Variants in SLC43A1 observed in about 807,000 individuals in gnomAD.
SLC43A1 encodes large neutral amino acids transporter small subunit 3.
Under a neutral mutation model 59.5 loss-of-function variants are expected in SLC43A1, and 31 were observed. That is an observed-to-expected ratio of 0.52 (90% CI 0.39 to 0.70). The LOEUF (loss-of-function observed/expected upper bound fraction) is 0.70. SLC43A1 is among the 30% of genes least tolerant of loss of function. The pLI is 0.00. For synonymous variants in SLC43A1, 259 were observed against 290.9 expected (o/e 0.89, Z 1.12); for missense variants, 598 against 717.8 (o/e 0.83, Z 1.91).
intron 13 of SLC43A1, 101 bp downstream of exon 13, chr11:57,488,815 G>C (rs983307724): frequency 1.1e-6 from 1 of 951,776 alleles, no homozygotes; most frequent in South Asian, 1.3e-5. Context: ...GTCTCAGAGA[G>C]AGGTGCATTA....
Position 57,497,852 on chromosome 11 carries a change from A to G in SLC43A1, c.466-7T>C. ...TCCCAAACATGTTGGGCAGCTGAGG[A>G]GGGAAAGCAGCACCCATGAGGTGGG... On this transcript the variant is annotated splice_polypyrimidine_tract_variant and splice_region_variant and intron_variant, in intron 5 of 14. Coordinates refer to ENST00000278426, the MANE Select transcript of SLC43A1 (RefSeq NM_003627.6). The G allele has an allele frequency of 6.2e-7, 1 of 1,611,024 alleles. No homozygotes were observed. Among genetic ancestry groups the G allele is most frequent in the Non-Finnish European group, 8.5e-7 (1 of 1,178,356 alleles).
At chr11:57,485,974 T>C (rs1943716329) in intron 14 of SLC43A1, among the ~76,000 whole-genome samples, 1 of 152,224 alleles carries the variant, frequency 6.6e-6, no homozygotes, top group South Asian at 2.1e-4. Flanking sequence ...ATGAGTTCAA[T>C]GTAAGGAAAA....
At chr11:57,495,565 G>C (rs1199150180) in intron 7 of SLC43A1, among the ~76,000 whole-genome samples, 1 of 152,030 alleles carries the variant, frequency 6.6e-6, no homozygotes, top group African/African-American at 2.4e-5. Context: ...AGTGGCTCAC[G>C]CCTGTAATCG....
At chr11:57,488,682 CAT>C (rs1164111842) in intron 13 of SLC43A1, among the ~76,000 whole-genome samples, 1 of 152,192 alleles carries the variant, frequency 6.6e-6, no homozygotes, top group Non-Finnish European at 1.5e-5. Flanking sequence ...AAACAGCAGA[CAT>C]AGAACCAAAG....
At position 57,485,203 on chromosome 11, in the gene SLC43A1, G is replaced by A. The variant is rs1268406213; in HGVS notation, c.1573C>T (p.Leu525=). ...GLLLFSLLGF[L]LPSYLFYYRA... is the part of the protein sequence containing the mutation. ...TAATAGAAGAGGTAGGAAGGCAACAGGAATCCCAGGAGTGAGAATAGCAGG... is the reference window on the plus strand; with the variant it reads ...TAATAGAAGAGGTAGGAAGGCAACAAGAATCCCAGGAGTGAGAATAGCAGG... Residue 525 remains leucine, a synonymous_variant, in exon 15 of 15, where the codon CTG becomes TTG. Transcript: ENST00000278426. The A allele has an allele frequency of 2.5e-6, 4 of 1,613,908 alleles. No individual in the cohort carries two copies. Among genetic ancestry groups the A allele is most frequent in the Admixed American group, 1.7e-5 (1 of 59,964 alleles).
intron 2 of SLC43A1, among the ~76,000 whole-genome samples, chr11:57,505,883 G>A (rs977236736): frequency 3.9e-5 from 6 of 152,160 alleles, no homozygotes; most frequent in African/African-American, 1.4e-4. Context: ...CTGGGAAATG[G>A]GGACTGTGGT....
At chr11:57,503,472 T>C (rs1317025750) in intron 2 of SLC43A1, among the ~76,000 whole-genome samples, 6 of 151,938 alleles carry the variant, frequency 3.9e-5, no homozygotes, top group Admixed American at 6.6e-5. Flanking sequence ...TACAGGTGCA[T>C]GCCACCACAC....
In SLC43A1 at chr11:57,494,069, G is replaced by A. The variant is rs761237997; in HGVS notation, c.795C>T (p.Ala265=). ...CATCCGAACCGTCCTCCAGGCTGGG[G>A]GCCTTCTGGCTGAGCCTCTGGCCCA... ...TTMGQRLSQK[A]PSLEDGSDAF... The change falls in exon 8 of 15, where the codon GCC becomes GCT. Residue 265 remains alanine (A), a synonymous_variant. Transcript: ENST00000278426. 1 of 1,611,480 alleles carries A rather than the reference G, an allele frequency of 6.2e-7. No individual in the cohort carries two copies. Among genetic ancestry groups the A allele is most frequent in the Non-Finnish European group, 8.5e-7 (1 of 1,178,866 alleles).
intron 11 of SLC43A1, 105 bp downstream of exon 11, chr11:57,491,119 A>C: frequency 7.3e-7 from 1 of 1,363,828 alleles, no homozygotes; most frequent in East Asian, 2.6e-5. Context: ...CTGATCTCCT[A>C]GGGTTCTTGG....
intron 2 of SLC43A1, among the ~76,000 whole-genome samples, chr11:57,510,885 G>A (rs1944522994): frequency 6.6e-6 from 1 of 151,990 alleles, no homozygotes; most frequent in Non-Finnish European, 1.5e-5. Context: ...GGGAGGCTAA[G>A]GCAGGAGAAT....
chr11:57,491,881 G>C lies in SLC43A1; in HGVS notation c.872-19C>G, dbSNP rs949240858. Reference sequence around the variant, plus strand: ...ACAGACCCTGGGGAGACAGCAGGGGGCGCCCCTGAGCCCCAGACCTTCCAC... The same window carrying C: ...ACAGACCCTGGGGAGACAGCAGGGGCCGCCCCTGAGCCCCAGACCTTCCAC... On this transcript the variant is annotated intron_variant, in intron 8 of 14. Coordinates refer to ENST00000278426, the MANE Select transcript of SLC43A1 (RefSeq NM_003627.6). The C allele has an allele frequency of 1.9e-6, 3 of 1,611,934 alleles. No homozygotes were observed. In the African/African-American group the frequency reaches 4.0e-5, roughly 22 times the overall value.
rs1050183732 is a variant in SLC43A1 at position 57,500,669 on chromosome 11, T to C, written c.465+110A>G. The C allele has an allele frequency of 4.4e-5, 39 of 893,408 alleles. No homozygotes were observed. The Admixed American group carries it at 7.4e-4, about 17-fold the overall frequency. The allele number at this position is 893,408 out of a possible 1,614,324, so 55.3% of individuals were successfully genotyped here. On this transcript the variant is annotated intron_variant, in intron 5 of 14. Transcript: ENST00000278426. ...CACACACTCACTTGATCTAGTGATC[T>C]GCGTCCACAGGCCCCTCCCCCAGCC...
In SLC43A1 at chr11:57,496,098, T is replaced by C. The variant is rs1267021003; in HGVS notation, c.625A>G (p.Ile209Val). The C allele has an allele frequency of 2.5e-6, 4 of 1,614,082 alleles. No individual in the cohort carries two copies. In the South Asian group the frequency reaches 4.4e-5, roughly 18 times the overall value. ...CAGTTGAGGGTGCAGTTCAGAAAGA[T>C]AAGGCAGGCCAGGCCAGACCAGGTG... is the stretch of plus-strand genomic sequence containing the variant. Reference protein sequence around the residue: ...MFTWSGLACLIFLNCTLNWPI... With the variant: ...MFTWSGLACLVFLNCTLNWPI... Residue 209 changes from isoleucine to valine, a missense_variant, in exon 7 of 15, where the codon ATC becomes GTC. Coordinates refer to ENST00000278426, the MANE Select transcript of SLC43A1 (RefSeq NM_003627.6).
chr11:57,500,711 A>ACCC, intron 5 of SLC43A1, 68 bp downstream of exon 5: 1 of 1,399,110 alleles, frequency 7.1e-7, no homozygotes, highest in Non-Finnish European at 1.0e-6. Flanking sequence ...TACTGCCCTC[A>ACCC]CCCCACTCAC....
chr11:57,511,591 C>T (rs770118298), intron 2 of SLC43A1, among the ~76,000 whole-genome samples: 2 of 152,070 alleles, frequency 1.3e-5, no homozygotes, highest in African/African-American at 2.4e-5. Context: ...ACAGATGAGC[C>T]ACCACACCCA....
chr11:57,492,054 TA>T (rs1207615470), intron 8 of SLC43A1, among the ~76,000 whole-genome samples, 192 bp from the exon 9 acceptor site: 6 of 152,146 alleles, frequency 3.9e-5, no homozygotes, highest in African/African-American at 1.2e-4. Context: ...TTTTTGGATG[TA>T]TGTCCTATGC....
At position 57,514,745 on chromosome 11, in the gene SLC43A1, C is replaced by T. The variant is rs1320424193; in HGVS notation, c.-13-621G>A. ...GGAGGGAGACCCAGGACGGGCTCTC[C>T]TCGGTTCCCTCCTCCCCCGCGCGCC... On this transcript the variant is annotated intron_variant, in intron 1 of 14. Transcript: ENST00000278426. The surrounding 1 kb of genome is among the most constrained non-coding windows in gnomAD (Gnocchi z 5.5). 3.4e-6 allele frequency: 3 copies of T among 892,126 alleles called. No individual in the cohort carries two copies. The highest frequency in any genetic ancestry group is 3.6e-5 in the African/African-American group (2 of 55,392). The allele number at this position is 892,126 out of a possible 1,614,324, so 55.3% of individuals were successfully genotyped here.
intron 8 of SLC43A1, among the ~76,000 whole-genome samples, chr11:57,492,206 A>C (rs991464115): frequency 7.0e-6 from 1 of 142,284 alleles, no homozygotes; most frequent in Non-Finnish European, 1.5e-5. Flanking sequence ...TATCTCTAAA[A>C]ATATATATAT....
intron 8 of SLC43A1, among the ~76,000 whole-genome samples, chr11:57,492,512 A>C (rs1590752172): frequency 8.0e-6 from 1 of 124,392 alleles, no homozygotes; most frequent in Non-Finnish European, 1.6e-5. Context: ...ATAATATATA[A>C]TAATATAATA....
Sources: allele counts gnomAD v4.1 joint callset (sites outside exome capture counted in the v4.1 genomes callset), GRCh38; gene constraint gnomAD v4.1.1; non-coding constraint Gnocchi (gnomAD v3.1); transcripts MANE v1.5; gene names NCBI Gene and HGNC (gene_info 2026-07-23, HGNC 2026-07-21).